Variants in LAMTOR4 observed in about 807,000 individuals in gnomAD.
LAMTOR4 encodes the protein ragulator complex protein LAMTOR4.
LAMTOR4 carries 11 observed loss-of-function variants against 13.5 expected under a neutral mutation model. The observed-to-expected ratio is 0.82, with a 90% CI of 0.51 to 1.35. The LOEUF (loss-of-function observed/expected upper bound fraction) is 1.35. Ranked by LOEUF, LAMTOR4 falls within the 40% of genes most tolerant of loss-of-function variation. The pLI, the probability that LAMTOR4 is intolerant of heterozygous loss-of-function variation, is 0.00. For missense variants in LAMTOR4, 128 were observed against 126.2 expected, an observed-to-expected ratio of 1.01 and a Z score of -0.07; for synonymous variants, 69 against 52.3, an observed-to-expected ratio of 1.32 and a Z score of -1.38.
chr7:100,154,105 A>C lies in LAMTOR4; in HGVS notation c.*141A>C. 1 of 668,770 alleles carries C rather than the reference A, an allele frequency of 1.5e-6. No homozygotes were observed. Among genetic ancestry groups the C allele is most frequent in the South Asian group, 1.7e-5 (1 of 58,066 alleles). 41.4% of individuals were successfully genotyped at this position (668,770 alleles called of 1,614,324 possible). On this transcript the variant is annotated 3_prime_UTR_variant, in exon 4 of 4. Coordinates refer to ENST00000341942, the MANE Select transcript of LAMTOR4 (RefSeq NM_001008395.4). ...CTCCCACCCCTACCTGGACGGGCCC[A>C]GGCTTGGGGACTCTGAGCTGTGTTA...
intron 2 of LAMTOR4, 88 bp from the exon 3 acceptor site, chr7:100,153,312 G>C: frequency 1.1e-6 from 1 of 920,884 alleles, no homozygotes; most frequent in Non-Finnish European, 1.7e-6. Context: ...GAGGGTCTAA[G>C]TGTGAGAACC....
At chr7:100,149,299 G>A (rs1798626101) in intron 1 of LAMTOR4, 200 bp from the exon 2 acceptor site, 2 of 624,828 alleles carry the variant, frequency 3.2e-6, no homozygotes, top group Non-Finnish European at 5.7e-6. Context: ...GAGCCCGGGG[G>A]CGAGAGTGGG....
chr7:100,151,875 A>AAAAAAT (rs1359710557), intron 2 of LAMTOR4, among the ~76,000 whole-genome samples: 5 of 151,614 alleles, frequency 3.3e-5, no homozygotes, highest in African/African-American at 1.2e-4. Context: ...AAAAAAAAAA[A>AAAAAAT]AAAAATGTGT....
chr7:100,149,470 T>G, intron 1 of LAMTOR4, 29 bp from the exon 2 acceptor site: 1 of 1,509,750 alleles, frequency 6.6e-7, no homozygotes, highest in East Asian at 2.3e-5. Context: ...TCTAGCATGC[T>G]TCTCACGACT....
chr7:100,151,388 TTTTG>T (rs1488249125), intron 2 of LAMTOR4, among the ~76,000 whole-genome samples: 3 of 149,964 alleles, frequency 2.0e-5, no homozygotes, highest in Non-Finnish European at 4.4e-5. Context: ...GTTTTTTTGT[TTTTG>T]TTTTTGTTTT....
intron 1 of LAMTOR4, 26 bp downstream of exon 1, chr7:100,149,001 G>A (rs776756415): frequency 5.6e-6 from 9 of 1,606,324 alleles, no homozygotes; most frequent in Non-Finnish European, 8.5e-7. Context: ...TGCGCGAGAG[G>A]ACCCGCCGGG....
Position 100,148,963 on chromosome 7 carries a change from G to T in LAMTOR4, c.-10G>T, listed in dbSNP as rs762557535. 6.2e-6 allele frequency: 10 copies of T among 1,612,126 alleles called. No homozygotes were observed. Among genetic ancestry groups the T allele is most frequent in the South Asian group, 2.2e-5 (2 of 91,068 alleles). On this transcript the variant is annotated 5_prime_UTR_variant, in exon 1 of 4. Coordinates refer to ENST00000341942, the MANE Select transcript of LAMTOR4 (RefSeq NM_001008395.4). The stretch of plus-strand genomic sequence containing the variant: ...TCTGGTAGGGAGCTCCCCCAGCACC[G>T]AAGACTGCGATGGTGAGTGAGGACG...
Position 100,149,992 on chromosome 7 carries a change from G to A in LAMTOR4, c.84+413G>A, listed in dbSNP as rs572456263. ...GGGTTTCACCGTGTTAGCCAGGCTG[G>A]TCTCAAACTCCTGACCTCAGGTGAT... On this transcript the variant is annotated intron_variant, in intron 2 of 3. Coordinates refer to ENST00000341942, the MANE Select transcript of LAMTOR4 (RefSeq NM_001008395.4). 20 of 163,396 alleles carry A rather than the reference G, an allele frequency of 1.2e-4. No homozygotes were observed. The South Asian group carries it at 2.8e-3, about 23-fold the overall frequency. 10.1% of individuals were successfully genotyped at this position (163,396 alleles called of 1,614,324 possible). A position where few individuals can be genotyped will look rare whatever the true frequency, so the allele number is the denominator to read the frequency against.
intron 2 of LAMTOR4, among the ~76,000 whole-genome samples, chr7:100,150,456 G>A (rs1357479548): frequency 1.3e-5 from 2 of 152,320 alleles, no homozygotes; most frequent in East Asian, 3.9e-4. Flanking sequence ...TAACCTATCT[G>A]AACTGATGGT....
intron 2 of LAMTOR4, among the ~76,000 whole-genome samples, chr7:100,150,938 G>A (rs1184376137): frequency 2.7e-5 from 4 of 146,938 alleles, no homozygotes; most frequent in African/African-American, 7.5e-5. Flanking sequence ...GCAGTTAGCC[G>A]AGATCACACC....
intron 2 of LAMTOR4, among the ~76,000 whole-genome samples, chr7:100,151,639 C>T (rs1302256998): frequency 3.9e-5 from 6 of 151,974 alleles, no homozygotes; most frequent in East Asian, 1.9e-4. Context: ...CCGCCTACCT[C>T]GGCCTCCCAA....
chr7:100,152,616 G>A (rs991343087), intron 2 of LAMTOR4: 3 of 152,222 alleles, frequency 2.0e-5, no homozygotes, highest in Non-Finnish European at 2.9e-5. Context: ...CACCAGAAAA[G>A]AGGAAGCCCA....
At chr7:100,153,577 C>T (rs753079902) in intron 3 of LAMTOR4, 60 bp downstream of exon 3, 2 of 1,395,424 alleles carry the variant, frequency 1.4e-6, no homozygotes, top group South Asian at 1.1e-5. Context: ...CTTCCAGGGG[C>T]TTCTCGGCTT....
At chr7:100,151,683 C>T (rs951707564) in intron 2 of LAMTOR4, among the ~76,000 whole-genome samples, 1 of 151,616 alleles carries the variant, frequency 6.6e-6, no homozygotes. Flanking sequence ...CCACAGCACC[C>T]CGTCCTGTTT....
At chr7:100,149,625 G>A in intron 2 of LAMTOR4, 46 bp downstream of exon 2, 1 of 1,424,164 alleles carries the variant, frequency 7.0e-7, no homozygotes, top group Non-Finnish European at 9.9e-7. Context: ...ACACAGCCCG[G>A]TAACCCCTTC....
At chr7:100,151,611 A>G (rs548545639) in intron 2 of LAMTOR4, among the ~76,000 whole-genome samples, 1 of 150,102 alleles carries the variant, frequency 6.7e-6, no homozygotes, top group Admixed American at 6.6e-5. Context: ...GATGGTCTGG[A>G]TCTCCTGACC....
intron 2 of LAMTOR4, 40 bp downstream of exon 2, chr7:100,149,619 A>G (rs1562948438): frequency 6.7e-7 from 1 of 1,484,254 alleles, no homozygotes; most frequent in South Asian, 1.1e-5. Context: ...TAGTGCACAC[A>G]GCCCGGTAAC....
At position 100,153,944 on chromosome 7, in the gene LAMTOR4, C is replaced by T. The variant is rs1202165315; in HGVS notation, c.280C>T (p.Arg94Trp). Residue 94 changes from arginine to tryptophan, a missense_variant, in exon 4 of 4, where the codon CGG (arginine) becomes TGG (tryptophan). Arg to Trp is a moderately radical substitution (Grantham distance 101). Transcript: ENST00000341942. The part of the protein sequence containing the change: ...VFVVKRQNRG[R>W]EPIDV The stretch of plus-strand genomic sequence containing the variant: ...TGTGGTGAAGAGGCAGAACCGAGGT[C>T]GGGAGCCCATTGATGTCTGAGCCTG... The T allele has an allele frequency of 6.3e-6, 10 of 1,590,062 alleles. No individual in the cohort carries two copies. The highest frequency in any genetic ancestry group is 4.6e-5 in the South Asian group (4 of 87,028).
At chr7:100,150,858 G>A (rs1401058885) in intron 2 of LAMTOR4, among the ~76,000 whole-genome samples, 5 of 151,722 alleles carry the variant, frequency 3.3e-5, no homozygotes, top group African/African-American at 1.2e-4. Context: ...GCCTGGTGGC[G>A]GGCACTTGTA....
Sources: allele counts gnomAD v4.1 joint callset (sites outside exome capture counted in the v4.1 genomes callset), GRCh38; gene constraint gnomAD v4.1.1; transcripts MANE v1.5; gene names NCBI Gene and HGNC (gene_info 2026-07-23, HGNC 2026-07-21).